Variants in TAOK3 observed in about 807,000 individuals in gnomAD.
The protein encoded by TAOK3 is serine/threonine-protein kinase TAO3.
Under a neutral mutation model 120.4 loss-of-function variants are expected in TAOK3, and 40 were observed. That is an observed-to-expected ratio of 0.33 (90% confidence interval 0.26 to 0.43). The LOEUF is 0.43. Ranked by LOEUF, TAOK3 falls within the 20% of genes least tolerant of loss-of-function variation. The probability of loss-of-function intolerance (pLI) is 1.00; values close to 1 mark genes in which losing one functional copy is unlikely to be tolerated. For missense variants in TAOK3, 821 were observed against 1,112.1 expected (o/e 0.74, Z 3.72); for synonymous variants, 355 against 387.5 (o/e 0.92, Z 0.99).
chr12:118,279,374 T>C (rs2042012525), intron 1 of TAOK3, among the ~76,000 whole-genome samples: 1 of 152,166 alleles, frequency 6.6e-6, no homozygotes. Flanking sequence ...TTCTGTAGGA[T>C]GTTTATTCTG....
At chr12:118,301,954 A>G (rs1312454387) in intron 1 of TAOK3, among the ~76,000 whole-genome samples, 1 of 152,156 alleles carries the variant, frequency 6.6e-6, no homozygotes, top group Non-Finnish European at 1.5e-5. Context: ...TCCTCAGGCT[A>G]TTCCTCTTTA....
At chr12:118,308,225 G>A (rs2043124690) in intron 1 of TAOK3, among the ~76,000 whole-genome samples, 1 of 151,910 alleles carries the variant, frequency 6.6e-6, no homozygotes. Flanking sequence ...AGATGCCACG[G>A]CAACATCAGG....
chr12:118,334,610 TCACACCTG>T (rs1344381934), intron 1 of TAOK3, among the ~76,000 whole-genome samples: 1 of 152,160 alleles, frequency 6.6e-6, no homozygotes, highest in African/African-American at 2.4e-5. Flanking sequence ...GTGTGGTGGC[TCACACCTG>T]CAATCCCAGC....
chr12:118,317,946 A>T (rs1593522002), intron 1 of TAOK3, among the ~76,000 whole-genome samples: 1 of 152,138 alleles, frequency 6.6e-6, no homozygotes, highest in Admixed American at 6.5e-5. Context: ...AATAGAACTG[A>T]CAGCCCAGAA....
chr12:118,154,930 C>G (rs564733108), intron 19 of TAOK3, among the ~76,000 whole-genome samples: 1 of 152,112 alleles, frequency 6.6e-6, no homozygotes, highest in African/African-American at 2.4e-5. Flanking sequence ...CTTATCCCCC[C>G]AAGCCAGTGG....
rs1336273837 is a variant in TAOK3 at position 118,371,640 on chromosome 12, G to A, written c.-194+1008C>T. Among the ~76,000 whole-genome samples, 2 of 152,038 alleles carry A rather than the reference G, an allele frequency of 1.3e-5. No homozygotes were observed. Among genetic ancestry groups the A allele is most frequent in the African/African-American group, 4.8e-5 (2 of 41,400 alleles). On this transcript the variant is annotated intron_variant, in intron 1 of 20. Transcript: ENST00000392533. This position sits in a 1 kb window ranked among gnomAD's most constrained non-coding sequence, Gnocchi z 5.5. Reference sequence around the variant, plus strand: ...TCTGCGCTGCAGCCGGTTCCTATTTGCCCGACGCCGCGACTGCGACCCAGG... The same window carrying A: ...TCTGCGCTGCAGCCGGTTCCTATTTACCCGACGCCGCGACTGCGACCCAGG...
chr12:118,180,381 T>C (rs562621682), intron 15 of TAOK3, among the ~76,000 whole-genome samples: 156 of 151,966 alleles, frequency 1.0e-3, no homozygotes, highest in Admixed American at 2.4e-3. Flanking sequence ...GTTGGGACTA[T>C]AGGCATGTGC....
intron 8 of TAOK3, among the ~76,000 whole-genome samples, chr12:118,234,240 TTTTTTTG>T (rs1396968474): frequency 1.0e-5 from 1 of 96,306 alleles, no homozygotes; most frequent in African/African-American, 3.9e-5. Context: ...TTTTTTTTTT[TTTTTTTG>T]AGACGGAGTC....
At chr12:118,345,008 A>G (rs958680090) in intron 1 of TAOK3, among the ~76,000 whole-genome samples, 2 of 152,160 alleles carry the variant, frequency 1.3e-5, no homozygotes, top group Non-Finnish European at 1.5e-5. Flanking sequence ...CAGTTAAAGG[A>G]TCACTAGCAA....
chr12:118,208,849 T>G (rs2038474457), intron 11 of TAOK3, among the ~76,000 whole-genome samples: 1 of 152,094 alleles, frequency 6.6e-6, no homozygotes, highest in Admixed American at 6.6e-5. Context: ...GTAGCTGGGA[T>G]TATCGACGCA....
chr12:118,344,077 C>T (rs1447298288), intron 1 of TAOK3, among the ~76,000 whole-genome samples: 1 of 151,218 alleles, frequency 6.6e-6, no homozygotes, highest in Non-Finnish European at 1.5e-5. Flanking sequence ...GAAACAAAAC[C>T]CTGTGTGGAT....
In TAOK3 at chr12:118,281,754, GAAAAAAAA is replaced by G. The variant is rs551634729; in HGVS notation, c.-193-15003_-193-14996del. ...GCAACAAGAGTGAGACTCTGCCTCA[GAAAAAAAA>G]AAAAGAAAAAAATTAAAAATTAAAA... On this transcript the variant is annotated intron_variant, in intron 1 of 20. Coordinates refer to ENST00000392533, the MANE Select transcript of TAOK3 (RefSeq NM_016281.4). Among the ~76,000 whole-genome samples the G allele has an allele frequency of 1.8e-4, 23 of 129,488 alleles. No individual in the cohort carries two copies. In the South Asian group the frequency reaches 5.3e-3, roughly 30 times the overall value. The allele number at this position is 129,488 out of a possible 152,430, so 84.9% of individuals were successfully genotyped here.
chr12:118,354,157 G>C (rs2045296347), intron 1 of TAOK3, among the ~76,000 whole-genome samples: 2 of 152,274 alleles, frequency 1.3e-5, no homozygotes, highest in Admixed American at 6.5e-5. Context: ...ACCATAGATA[G>C]TATGGAACTC....
rs1044162378 is a variant in TAOK3, at chr12:118,255,864, C to G, written c.-88-209G>C. 6 of 209,710 alleles carry G rather than the reference C, an allele frequency of 2.9e-5. No homozygotes were observed. The South Asian group carries it at 5.5e-4, about 19-fold the overall frequency. The allele number at this position is 209,710 out of a possible 1,614,324, so 13.0% of individuals were successfully genotyped here. ...TTGGGAGGCTGAGGCGGGCGGATCA[C>G]CTGAGGTCGGGAGTTCGAGACCAGC... On this transcript the variant is annotated intron_variant, in intron 2 of 20. Coordinates refer to ENST00000392533, the MANE Select transcript of TAOK3 (RefSeq NM_016281.4).
At chr12:118,239,137 T>G (rs909983419) in intron 6 of TAOK3, 90 bp downstream of exon 6, 3 of 839,736 alleles carry the variant, frequency 3.6e-6, no homozygotes, top group Non-Finnish European at 6.0e-6. Flanking sequence ...ATCATTCAAT[T>G]AGACTGCCCA....
In TAOK3 at chr12:118,233,721, T is replaced by A; in HGVS notation, c.596A>T (p.Asp199Val). ...AAGTGACCAAATATCAACTTTCCCA[T>A]CATACTGTCCTTCATCCATAGCTAA... Reference protein sequence around the residue: ...VILAMDEGQYDGKVDIWSLGI... With the variant: ...VILAMDEGQYVGKVDIWSLGI... Residue 199 changes from aspartate to valine, a missense_variant, in exon 9 of 21, where the codon GAT becomes GTT. By Grantham distance (152) the Asp-to-Val change is radical. Around this residue, in one of 2 missense-constraint regions of TAOK3, gnomAD observed 467 missense variants for 540.0 expected, o/e 0.86. Coordinates refer to ENST00000392533, the MANE Select transcript of TAOK3 (RefSeq NM_016281.4). 6.2e-7 allele frequency: 1 copy of A among 1,609,512 alleles called. No homozygotes were observed. Among genetic ancestry groups the A allele is most frequent in the Non-Finnish European group, 8.5e-7 (1 of 1,178,122 alleles).
At chr12:118,267,434 C>T (rs1014636882) in intron 1 of TAOK3, among the ~76,000 whole-genome samples, 5 of 150,706 alleles carry the variant, frequency 3.3e-5, no homozygotes, top group South Asian at 2.1e-4. Context: ...AGGCTGGTCT[C>T]GACCTCCTGA....
At chr12:118,235,845 G>C (rs1170086420) in intron 7 of TAOK3, 174 bp from the exon 8 acceptor site, 4 of 530,960 alleles carry the variant, frequency 7.5e-6, no homozygotes, top group Admixed American at 6.2e-5. Context: ...TGTTGTAAGG[G>C]GGCCCAGATT....
At chr12:118,158,261 T>C (rs1331865859) in intron 19 of TAOK3, among the ~76,000 whole-genome samples, 1 of 152,160 alleles carries the variant, frequency 6.6e-6, no homozygotes, top group Non-Finnish European at 1.5e-5. Context: ...CTTAGTTCTT[T>C]CCTCTCTAAG....
Sources: allele counts gnomAD v4.1 joint callset (sites outside exome capture counted in the v4.1 genomes callset), GRCh38; gene constraint gnomAD v4.1.1; regional missense constraint gnomAD v4.1.1; non-coding constraint Gnocchi (gnomAD v3.1); transcripts MANE v1.5; gene names NCBI Gene and HGNC (gene_info 2026-07-23, HGNC 2026-07-21).